The following CLIP4 variants were observed in gnomAD, a reference collection of about 807,000 sequenced individuals.
CLIP4 encodes CAP-Gly domain-containing linker protein 4.
A neutral mutation model predicts 73.1 loss-of-function variants in CLIP4; 47 were observed. That is an observed-to-expected ratio of 0.64 (90% confidence interval 0.51 to 0.82). CLIP4 has a LOEUF of 0.82. Among genes scored for constraint, CLIP4 ranks in the 40% least tolerant of loss-of-function variants. The probability of loss-of-function intolerance (pLI) is 0.00; values close to 1 mark genes in which losing one functional copy is unlikely to be tolerated. For synonymous variants in CLIP4, 306 were observed against 295.4 expected, an observed-to-expected ratio of 1.04 and a Z score of -0.37; for missense variants, 874 against 852.9, an observed-to-expected ratio of 1.02 and a Z score of -0.31.
chr2:29,146,148 T>C lies in CLIP4; in HGVS notation c.1021+781T>C, dbSNP rs905243145. On this transcript the variant is annotated intron_variant, in intron 8 of 15. Transcript: ENST00000320081. ...AGTGGGGAGACAGTGATGAGAGGGG[T>C]TTTTTCGTTAGTAGGCTGTGAGCTG... Among the ~76,000 whole-genome samples, 4 of 151,484 alleles carry C rather than the reference T, an allele frequency of 2.6e-5. No individual in the cohort carries two copies. In the East Asian group the frequency reaches 7.7e-4, roughly 29 times the overall value.
chr2:29,147,610 G>A (rs1365207767), intron 8 of CLIP4, among the ~76,000 whole-genome samples: 2 of 151,904 alleles, frequency 1.3e-5, no homozygotes. Context: ...ACCTATTTAT[G>A]GGGTACAGAA....
chr2:29,105,175 A>T (rs1668165957), intron 1 of CLIP4, among the ~76,000 whole-genome samples: 1 of 152,224 alleles, frequency 6.6e-6, no homozygotes, highest in Admixed American at 6.5e-5. Flanking sequence ...GTGTGTGGCT[A>T]ACTTGTCTCA....
chr2:29,130,169 G>A (rs1386755098), intron 2 of CLIP4: 7 of 429,772 alleles, frequency 1.6e-5, no homozygotes, highest in Admixed American at 4.8e-5. Context: ...CCAGTGCTGC[G>A]GCCCTGGGTA....
At chr2:29,163,059 C>T (rs1667392907) in intron 12 of CLIP4, among the ~76,000 whole-genome samples, 1 of 151,792 alleles carries the variant, frequency 6.6e-6, no homozygotes, top group Non-Finnish European at 1.5e-5. Context: ...TTGAGGCACC[C>T]TCAATTAGAA....
At chr2:29,135,342 T>A (rs1432183317) in intron 5 of CLIP4, among the ~76,000 whole-genome samples, 1 of 152,228 alleles carries the variant, frequency 6.6e-6, no homozygotes, top group Non-Finnish European at 1.5e-5. Context: ...CATCTTATAA[T>A]GAATTTTATT....
At chr2:29,163,691 A>C in intron 12 of CLIP4, 140 bp from the exon 13 acceptor site, 1 of 718,766 alleles carries the variant, frequency 1.4e-6, no homozygotes, top group Non-Finnish European at 2.1e-6. Context: ...TATAATTTGA[A>C]ATCTTAATGA....
chr2:29,138,843 G>C (rs1401219434), intron 6 of CLIP4, among the ~76,000 whole-genome samples: 1 of 152,052 alleles, frequency 6.6e-6, no homozygotes, highest in Non-Finnish European at 1.5e-5. Flanking sequence ...TTCGTATATT[G>C]ATTTTGTGTC....
chr2:29,177,596 T>C (rs991614648), intron 15 of CLIP4, among the ~76,000 whole-genome samples: 4 of 151,618 alleles, frequency 2.6e-5, no homozygotes, highest in Non-Finnish European at 5.9e-5. Context: ...AAAAGTAATA[T>C]ATATATTTTT....
intron 1 of CLIP4, among the ~76,000 whole-genome samples, chr2:29,102,382 C>T (rs991382027): frequency 6.6e-6 from 1 of 152,134 alleles, no homozygotes. Context: ...ACGAACATCA[C>T]CTGCCTTCAC....
chr2:29,129,266 T>G (rs1488947591), intron 2 of CLIP4, among the ~76,000 whole-genome samples: 1 of 152,202 alleles, frequency 6.6e-6, no homozygotes, highest in Non-Finnish European at 1.5e-5. Flanking sequence ...TCTGAAGGCA[T>G]ATTGGTTTTT....
chr2:29,142,428 A>G (rs1665836318), intron 6 of CLIP4, among the ~76,000 whole-genome samples: 1 of 152,296 alleles, frequency 6.6e-6, no homozygotes, highest in South Asian at 2.1e-4. Flanking sequence ...CACTGTAAGC[A>G]TAGCTTACAA....
chr2:29,106,082 T>C (rs1668198669), intron 1 of CLIP4, among the ~76,000 whole-genome samples: 4 of 151,264 alleles, frequency 2.6e-5, no homozygotes, highest in Admixed American at 2.6e-4. Flanking sequence ...AGACAGCATT[T>C]AATCTTTGGA....
At chr2:29,110,873 G>T (rs1668367558), upstream of CLIP4, among the ~76,000 whole-genome samples, 1 of 152,074 alleles carries the variant, frequency 6.6e-6, no homozygotes, top group Non-Finnish European at 1.5e-5. Context: ...ATTTTTAGCA[G>T]AGACCAGGTT....
chr2:29,116,116 A>T (rs893087190), intron 1 of CLIP4, among the ~76,000 whole-genome samples: 1 of 152,184 alleles, frequency 6.6e-6, no homozygotes, highest in Admixed American at 6.5e-5. Context: ...GTGGGTCTTC[A>T]AAGCTAAACC....
rs373136635 is a variant in CLIP4, at chr2:29,143,858, C to T, written c.798C>T (p.Leu266=). Residue 266 remains leucine (L), a synonymous_variant, in exon 7 of 16, where the codon CTC becomes CTT. Transcript: ENST00000320081. ...PLSCNISKAM[L]PNYDHVTGKA... ...CATGTAACATCTCAAAGGCCATGCT[C>T]CCAAATTATGATCATGTCACTGGCA... 8.3e-5 allele frequency: 134 copies of T among 1,614,034 alleles called. 1 individual carries two copies. The highest frequency in any genetic ancestry group is 1.1e-4 in the Non-Finnish European group (127 of 1,180,034).
rs141568803 is a variant in CLIP4, at chr2:29,100,221, T to C, written c.-16+2274T>C. Among the ~76,000 whole-genome samples, 803 of 152,202 alleles carry C rather than the reference T, an allele frequency of 5.3e-3. 6 individuals are homozygous for C. The highest frequency in any genetic ancestry group is 0.018 in the African/African-American group (754 of 41,526). On this transcript the variant is annotated intron_variant, in intron 1 of 14. Transcript: ENST00000401605. ...CTGGGATTACAGGCATGAGCCACCATGCCTGGCCACAACTGACTTTGGTAT... is the reference window on the plus strand; with the variant it reads ...CTGGGATTACAGGCATGAGCCACCACGCCTGGCCACAACTGACTTTGGTAT...
chr2:29,152,674 T>A lies in CLIP4; in HGVS notation c.1022-11T>A. 1 of 1,610,422 alleles carries A rather than the reference T, an allele frequency of 6.2e-7. No individual in the cohort carries two copies. The highest frequency in any genetic ancestry group is 8.5e-7 in the Non-Finnish European group (1 of 1,178,544). On this transcript the variant is annotated splice_polypyrimidine_tract_variant and intron_variant, in intron 8 of 15. Transcript: ENST00000320081. ...AATTGTTTAACACTAAAATTCTGCA[T>A]TCTCCCTTAGGTATTTTTGCACCTC... is the stretch of plus-strand genomic sequence containing the variant.
At position 29,144,329 on chromosome 2, in the gene CLIP4, A is replaced by T. The variant is rs1164120214; in HGVS notation, c.885+384A>T. Among the ~76,000 whole-genome samples, 2 of 152,046 alleles carry T rather than the reference A, an allele frequency of 1.3e-5. 1 individual carries two copies. The highest frequency in any genetic ancestry group is 2.9e-5 in the Non-Finnish European group (2 of 68,006). On this transcript the variant is annotated intron_variant, in intron 7 of 15. Coordinates refer to ENST00000320081, the MANE Select transcript of CLIP4 (RefSeq NM_024692.6). ...GGAGCACAGGAGACCCTTGCTGTTC[A>T]TGGGTGTTTGTCTTTGGGTTCCCAC...
intron 8 of CLIP4, among the ~76,000 whole-genome samples, chr2:29,148,277 T>C (rs1005357959): frequency 4.6e-5 from 7 of 152,202 alleles, no homozygotes; most frequent in Non-Finnish European, 8.8e-5. Context: ...TTCTCAACAA[T>C]GGTTTTCTCT....
Sources: gnomAD v4.1 joint callset for allele counts (sites outside exome capture counted in the v4.1 genomes callset) on GRCh38, gnomAD v4.1.1 for gene constraint, MANE v1.5 for transcripts, NCBI Gene and HGNC (gene_info 2026-07-23, HGNC 2026-07-21) for gene names.